Variants in HACE1 observed in about 807,000 individuals in gnomAD.
The protein encoded by HACE1 is E3 ubiquitin-protein ligase HACE1.
Under a neutral mutation model 118.4 loss-of-function variants are expected in HACE1, and 73 were observed. That is an observed-to-expected ratio of 0.62 (90% CI 0.51 to 0.75). The LOEUF (loss-of-function observed/expected upper bound fraction) is 0.75. Among genes scored for constraint, HACE1 ranks in the 30% least tolerant of loss-of-function variants. HACE1 has a pLI of 0.00. For synonymous variants in HACE1, 368 were observed against 374.8 expected (o/e 0.98, Z 0.21); for missense variants, 749 against 1,102.2 (o/e 0.68, Z 4.54).
In HACE1 at chr6:104,776,816, C is replaced by T; in HGVS notation, c.1789G>A (p.Val597Met). The change falls in exon 17 of 24, where the codon GTG becomes ATG. Residue 597 changes from valine to methionine, a missense_variant. Val to Met is a conservative substitution (Grantham distance 21). Coordinates refer to ENST00000262903, the MANE Select transcript of HACE1 (RefSeq NM_020771.4). ...GACAGAATATCAAACCACTCACGCA[C>T]AACACCTTGACCCTGAATTCAAGAA... The part of the protein sequence containing the change: ...HGEEGMGQGV[V>M]REWFDILSNE... The T allele has an allele frequency of 1.2e-6, 2 of 1,604,660 alleles. No individual in the cohort carries two copies. Among genetic ancestry groups the T allele is most frequent in the Non-Finnish European group, 1.7e-6 (2 of 1,171,430 alleles).
chr6:104,801,366 A>G (rs12199035), intron 7 of HACE1, among the ~76,000 whole-genome samples: 16,701 of 152,156 alleles, frequency 0.11, 952 homozygotes, highest in Admixed American at 0.15. Context: ...AATACAGAGA[A>G]CGCCACAAAG....
intron 7 of HACE1, among the ~76,000 whole-genome samples, chr6:104,804,168 G>A (rs554960460): frequency 1.3e-5 from 2 of 152,218 alleles, no homozygotes; most frequent in Non-Finnish European, 2.9e-5. Flanking sequence ...GGATGTGAAG[G>A]ACCTCTTCAA....
At chr6:104,802,807 G>C (rs1394327790) in intron 7 of HACE1, among the ~76,000 whole-genome samples, 1 of 152,184 alleles carries the variant, frequency 6.6e-6, no homozygotes, top group Non-Finnish European at 1.5e-5. Flanking sequence ...AAAAGAACTA[G>C]AGAAGCAAGA....
chr6:104,745,470 C>T (rs1485149482), intron 20 of HACE1, among the ~76,000 whole-genome samples: 3 of 36,724 alleles, frequency 8.2e-5, no homozygotes, highest in Middle Eastern at 0.01. Context: ...TTTTTGAGAC[C>T]GAGTCTGGCT....
chr6:104,811,793 A>T (rs538595481), intron 6 of HACE1, among the ~76,000 whole-genome samples: 32 of 152,184 alleles, frequency 2.1e-4, no homozygotes, highest in African/African-American at 7.7e-4. Context: ...AGTGAATTGG[A>T]CCCTATTGCT....
rs755564263 is a variant in HACE1 at position 104,833,033 on chromosome 6, T to A, written c.534+9A>T. 1 of 1,612,696 alleles carries A rather than the reference T, an allele frequency of 6.2e-7. No individual in the cohort carries two copies. The highest frequency in any genetic ancestry group is 8.5e-7 in the Non-Finnish European group (1 of 1,178,654). ...ACATGCAGCTTAAAGTCCTCATGGC[T>A]CAACTTACCGTCTTGTGACCGTTCT... On this transcript the variant is annotated intron_variant, in intron 6 of 23. Coordinates refer to ENST00000262903, the MANE Select transcript of HACE1 (RefSeq NM_020771.4).
intron 4 of HACE1, among the ~76,000 whole-genome samples, chr6:104,848,767 G>C (rs375144785): frequency 3.9e-5 from 6 of 152,028 alleles, no homozygotes; most frequent in African/African-American, 1.4e-4. Context: ...CAAAAGATTA[G>C]CAGAAAAAAA....
rs1378647210 is a variant in HACE1 at position 104,777,124 on chromosome 6, ATTGG to A, written c.1679-18_1679-15del. On this transcript the variant is annotated splice_polypyrimidine_tract_variant and intron_variant, in intron 15 of 23. Coordinates refer to ENST00000262903, the MANE Select transcript of HACE1 (RefSeq NM_020771.4). ...TAAAAATAGAATCTAAATATGTAGCATTGGTTAATTTTACATATTAAAATTTATA... is the reference window on the plus strand; with the variant it reads ...TAAAAATAGAATCTAAATATGTAGCATTAATTTTACATATTAAAATTTATA... 6.3e-7 allele frequency: 1 copy of A among 1,575,698 alleles called. No individual in the cohort carries two copies. The highest frequency in any genetic ancestry group is 8.7e-7 in the Non-Finnish European group (1 of 1,145,294).
chr6:104,829,563 AT>A (rs1773655727), intron 6 of HACE1, among the ~76,000 whole-genome samples: 1 of 152,188 alleles, frequency 6.6e-6, no homozygotes, highest in African/African-American at 2.4e-5. Flanking sequence ...AGTGCTAAGC[AT>A]TCCCTTTATG....
intron 5 of HACE1, among the ~76,000 whole-genome samples, chr6:104,840,879 C>T (rs1237452555): frequency 6.6e-6 from 1 of 152,196 alleles, no homozygotes; most frequent in South Asian, 2.1e-4. Flanking sequence ...AGGAGAATTG[C>T]TTGAACCCGG....
intron 1 of HACE1, among the ~76,000 whole-genome samples, chr6:104,853,360 T>G (rs1445261645): frequency 1.3e-5 from 2 of 152,196 alleles, no homozygotes; most frequent in African/African-American, 4.8e-5. Context: ...CACAAAAACA[T>G]GACCCAAAAG....
intron 22 of HACE1, among the ~76,000 whole-genome samples, chr6:104,735,259 A>G (rs1775687616): frequency 6.6e-6 from 1 of 152,172 alleles, no homozygotes; most frequent in African/African-American, 2.4e-5. Context: ...ATTTTTAAAA[A>G]TGATTGTGGA....
chr6:104,775,464 G>C (rs906383487), intron 17 of HACE1, among the ~76,000 whole-genome samples: 1 of 151,986 alleles, frequency 6.6e-6, no homozygotes, highest in Non-Finnish European at 1.5e-5. Context: ...CATTAAGGAA[G>C]TACCTCAACT....
At chr6:104,739,761 G>C (rs1407807119) in intron 22 of HACE1, among the ~76,000 whole-genome samples, 2 of 150,890 alleles carry the variant, frequency 1.3e-5, no homozygotes, top group African/African-American at 4.9e-5. Context: ...AGATCAACGA[G>C]ACAGAAAGTC....
At chr6:104,795,454 G>A (rs1362133443) in intron 10 of HACE1, 125 bp downstream of exon 10, 2 of 717,146 alleles carry the variant, frequency 2.8e-6, no homozygotes, top group African/African-American at 3.5e-5. Flanking sequence ...AAACAAACCA[G>A]AAGTCAGCAA....
At chr6:104,744,111 A>T in intron 22 of HACE1, 49 bp downstream of exon 22, 1 of 1,076,128 alleles carries the variant, frequency 9.3e-7, no homozygotes, top group Non-Finnish European at 1.4e-6. Flanking sequence ...AGCCATTAAA[A>T]GCAGAATACA....
chr6:104,843,402 T>C, intron 4 of HACE1, 104 bp from the exon 5 acceptor site: 1 of 740,442 alleles, frequency 1.4e-6, no homozygotes. Flanking sequence ...GCTGATGACA[T>C]CATAACATCT....
chr6:104,739,805 C>G (rs1323866578), intron 22 of HACE1, among the ~76,000 whole-genome samples: 1 of 150,554 alleles, frequency 6.6e-6, no homozygotes, highest in African/African-American at 2.5e-5. Context: ...CTCAGCTCTG[C>G]ACCAAGCGGA....
chr6:104,785,847 T>C (rs1403409480), intron 11 of HACE1: 1 of 153,358 alleles, frequency 6.5e-6, no homozygotes, highest in Non-Finnish European at 1.5e-5. Flanking sequence ...TGAGAATCCC[T>C]AAAGAACCTA....
Sources: allele counts gnomAD v4.1 joint callset (sites outside exome capture counted in the v4.1 genomes callset), GRCh38; gene constraint gnomAD v4.1.1; transcripts MANE v1.5; gene names NCBI Gene and HGNC (gene_info 2026-07-23, HGNC 2026-07-21).